DLC1: variants seen among roughly 807,000 people sequenced by gnomAD.
The protein encoded by DLC1 is DLC1 Rho GTPase activating protein, also known as rho GTPase-activating protein 7.
DLC1 carries 54 observed loss-of-function variants against 140.3 expected under a neutral mutation model. That is an observed-to-expected ratio of 0.38 (90% CI 0.31 to 0.48). DLC1 has a LOEUF of 0.48. DLC1 is among the 20% of genes least tolerant of loss of function. The probability of loss-of-function intolerance (pLI) is 0.96; values close to 1 mark genes in which losing one functional copy is unlikely to be tolerated. For missense variants in DLC1, 2,536 were observed against 1,907.0 expected, an observed-to-expected ratio of 1.33 and a Z score of -6.14; for synonymous variants, 986 against 728.1, an observed-to-expected ratio of 1.35 and a Z score of -5.70.
At chr8:13,233,557 G>A (rs1422274183) in intron 5 of DLC1, among the ~76,000 whole-genome samples, 1 of 152,068 alleles carries the variant, frequency 6.6e-6, no homozygotes, top group African/African-American at 2.4e-5. Context: ...CAATCATGGA[G>A]TATATTCTAC....
chr8:13,463,333 C>G (rs1310478945), intron 2 of DLC1, among the ~76,000 whole-genome samples: 1 of 151,982 alleles, frequency 6.6e-6, no homozygotes, highest in African/African-American at 2.4e-5. Context: ...ATTGTAACCT[C>G]TTTGCTGTAA....
At chr8:13,384,313 C>A (rs1836411557) in intron 4 of DLC1, among the ~76,000 whole-genome samples, 1 of 142,648 alleles carries the variant, frequency 7.0e-6, no homozygotes, top group Non-Finnish European at 1.6e-5. Flanking sequence ...TCCCACCCCA[C>A]AATCTTCCCT....
At chr8:13,463,898 T>G (rs573277305) in intron 2 of DLC1, among the ~76,000 whole-genome samples, 45 of 152,064 alleles carry the variant, frequency 3.0e-4, no homozygotes, top group African/African-American at 1.0e-3. Flanking sequence ...GAAGGAAAAA[T>G]GGAGCTAACC....
chr8:13,357,031 G>A (rs1261767965), intron 4 of DLC1, among the ~76,000 whole-genome samples: 1 of 151,696 alleles, frequency 6.6e-6, no homozygotes, highest in Non-Finnish European at 1.5e-5. Context: ...CACTTAGGGG[G>A]GCTGAGGCAG....
intron 4 of DLC1, among the ~76,000 whole-genome samples, chr8:13,387,511 A>G (rs1183937220): frequency 1.3e-5 from 2 of 151,878 alleles, no homozygotes; most frequent in African/African-American, 2.4e-5. Flanking sequence ...CAGTTTCATT[A>G]CCTCTCACTA....
chr8:13,199,600 A>T (rs959123982), intron 5 of DLC1, among the ~76,000 whole-genome samples: 5 of 151,896 alleles, frequency 3.3e-5, no homozygotes, highest in African/African-American at 1.2e-4. Context: ...ACTTCAACTC[A>T]TTTCTTCTTG....
At chr8:13,214,857 T>C in intron 5 of DLC1, 1 of 737,302 alleles carries the variant, frequency 1.4e-6, no homozygotes, top group Non-Finnish European at 2.5e-6. Context: ...TGGCAATAGA[T>C]GGGTCTCATG....
rs952162614 is a variant in DLC1, at chr8:13,221,726, G to GTGTATATATA, written c.1348+83542_1348+83543insTATATATACA. On this transcript the variant is annotated intron_variant, in intron 5 of 17. Transcript: ENST00000276297. ...TGTGTGTGTATATGTGTGTGTGTGTGTATATATATATATATATATGATAAA... is the reference window on the plus strand; with the variant it reads ...TGTGTGTGTATATGTGTGTGTGTGTGTGTATATATATATATATATATATATATATGATAAA... Among the ~76,000 whole-genome samples, 439 of 132,426 alleles carry GTGTATATATA rather than the reference G, an allele frequency of 3.3e-3. 2 individuals carry two copies. Among genetic ancestry groups the GTGTATATATA allele is most frequent in the African/African-American group, 0.012 (404 of 34,484 alleles). 86.9% of individuals were successfully genotyped at this position (132,426 alleles called of 152,430 possible).
At chr8:13,401,080 C>T (rs756374746) in intron 3 of DLC1, among the ~76,000 whole-genome samples, 1 of 152,136 alleles carries the variant, frequency 6.6e-6, no homozygotes, top group Non-Finnish European at 1.5e-5. Flanking sequence ...TGCAGCAAAT[C>T]TATAATAAGA....
intron 5 of DLC1, among the ~76,000 whole-genome samples, chr8:13,143,764 G>A (rs1173425655): frequency 6.6e-6 from 1 of 151,176 alleles, no homozygotes; most frequent in East Asian, 1.9e-4. Flanking sequence ...TACAATGTAA[G>A]AAGTTTGGTT....
At chr8:13,475,533 TA>T (rs2117091102) in intron 2 of DLC1, among the ~76,000 whole-genome samples, 1 of 152,260 alleles carries the variant, frequency 6.6e-6, no homozygotes, top group East Asian at 1.9e-4. Flanking sequence ...AGAAAGTGAA[TA>T]AAATAACCTA....
intron 1 of DLC1, among the ~76,000 whole-genome samples, chr8:13,505,623 C>T (rs779558269): frequency 6.6e-6 from 1 of 152,182 alleles, no homozygotes; most frequent in Non-Finnish European, 1.5e-5. Context: ...TTCCCCCTCA[C>T]CACAGCATCC....
chr8:13,244,978 T>C (rs1829703640), intron 5 of DLC1, among the ~76,000 whole-genome samples: 1 of 152,256 alleles, frequency 6.6e-6, no homozygotes, highest in Non-Finnish European at 1.5e-5. Flanking sequence ...TTCTTTGACA[T>C]AACTTCCTTC....
intron 5 of DLC1, among the ~76,000 whole-genome samples, chr8:13,166,703 C>G (rs1271131217): frequency 6.6e-6 from 1 of 152,156 alleles, no homozygotes; most frequent in Non-Finnish European, 1.5e-5. Flanking sequence ...ATCAAATAAG[C>G]CAACTTATTT....
chr8:13,421,771 T>G (rs976235926), intron 2 of DLC1, among the ~76,000 whole-genome samples: 2 of 152,200 alleles, frequency 1.3e-5, no homozygotes, highest in African/African-American at 2.4e-5. Context: ...CTTTTCCTTG[T>G]GCATAAGGAA....
intron 5 of DLC1, among the ~76,000 whole-genome samples, chr8:13,146,667 GT>G (rs1823462748): frequency 6.6e-6 from 1 of 152,146 alleles, no homozygotes; most frequent in Admixed American, 6.5e-5. Flanking sequence ...TCAGTTCTGT[GT>G]TTTTAAAAAG....
At chr8:13,578,258 A>T (rs1804917330) in intron 1 of DLC1, among the ~76,000 whole-genome samples, 1 of 152,170 alleles carries the variant, frequency 6.6e-6, no homozygotes, top group Non-Finnish European at 1.5e-5. Context: ...TTTCATCCCC[A>T]GCCACATGTT....
At chr8:13,419,827 T>C (rs1479011914) in intron 2 of DLC1, among the ~76,000 whole-genome samples, 1 of 152,216 alleles carries the variant, frequency 6.6e-6, no homozygotes. Flanking sequence ...AATTCGGCTG[T>C]GAATCCATCT....
chr8:13,453,412 A>ATATATATATATGTG (rs1225389001), intron 2 of DLC1, among the ~76,000 whole-genome samples: 1 of 52,138 alleles, frequency 1.9e-5, no homozygotes, highest in Non-Finnish European at 3.1e-5. Context: ...GTGTATATAT[A>ATATATATATATGTG]TATATATATA....
Sources: allele counts gnomAD v4.1 joint callset (sites outside exome capture counted in the v4.1 genomes callset), GRCh38; gene constraint gnomAD v4.1.1; transcripts MANE v1.5; gene names NCBI Gene and HGNC (gene_info 2026-07-23, HGNC 2026-07-21).